The following CCSER1 variants were observed in gnomAD, a reference collection of about 807,000 sequenced individuals.
CCSER1 encodes coiled-coil serine rich protein 1, also known as serine-rich coiled-coil domain-containing protein 1.
Under a neutral mutation model 82.0 loss-of-function variants are expected in CCSER1, and 41 were observed. The observed-to-expected ratio is 0.50, with a 90% CI of 0.39 to 0.65. The LOEUF is 0.65. Ranked by LOEUF, CCSER1 falls within the 30% of genes least tolerant of loss-of-function variation. The pLI, the probability that CCSER1 is intolerant of heterozygous loss-of-function variation, is 0.00. For synonymous variants in CCSER1, 414 were observed against 383.9 expected, an observed-to-expected ratio of 1.08 and a Z score of -0.92; for missense variants, 1,119 against 1,064.2, an observed-to-expected ratio of 1.05 and a Z score of -0.72.
chr4:90,319,082 A>G (rs1736661247), intron 3 of CCSER1, among the ~76,000 whole-genome samples: 1 of 152,202 alleles, frequency 6.6e-6, no homozygotes, highest in Non-Finnish European at 1.5e-5. Flanking sequence ...TCACACACTC[A>G]ATGACACTGT....
At chr4:91,520,197 GT>G (rs990536084) in intron 10 of CCSER1, among the ~76,000 whole-genome samples, 108 of 148,956 alleles carry the variant, frequency 7.3e-4, no homozygotes, top group Non-Finnish European at 1.3e-3. Context: ...ATGTTTTTGA[GT>G]TTTTTTTTCT....
chr4:90,503,984 A>G (rs1355788300), intron 5 of CCSER1, among the ~76,000 whole-genome samples: 1 of 152,102 alleles, frequency 6.6e-6, no homozygotes, highest in Non-Finnish European at 1.5e-5. Context: ...TTTCTCATAT[A>G]ACATTTATTT....
chr4:90,949,171 T>C (rs1231912248), intron 9 of CCSER1, among the ~76,000 whole-genome samples: 1 of 152,098 alleles, frequency 6.6e-6, no homozygotes, highest in Non-Finnish European at 1.5e-5. Context: ...ATATGTTCTG[T>C]TTACTCTTCT....
chr4:91,033,061 A>AC (rs1741124902), intron 9 of CCSER1, among the ~76,000 whole-genome samples: 1 of 150,782 alleles, frequency 6.6e-6, no homozygotes, highest in South Asian at 2.1e-4. Flanking sequence ...CAAATAAACA[A>AC]AAAAAAAACT....
At chr4:90,691,403 A>T (rs774503205) in intron 6 of CCSER1, among the ~76,000 whole-genome samples, 1 of 152,010 alleles carries the variant, frequency 6.6e-6, no homozygotes, top group Non-Finnish European at 1.5e-5. Flanking sequence ...TGTGTATCCC[A>T]TAATCCCATA....
intron 5 of CCSER1, among the ~76,000 whole-genome samples, chr4:90,623,573 G>A (rs1722749877): frequency 6.6e-6 from 1 of 152,118 alleles, no homozygotes; most frequent in East Asian, 1.9e-4. Flanking sequence ...CATATCACAG[G>A]TAGTGGTGAA....
chr4:91,025,075 T>C (rs1175274734), intron 9 of CCSER1, among the ~76,000 whole-genome samples: 1 of 152,186 alleles, frequency 6.6e-6, no homozygotes, highest in Non-Finnish European at 1.5e-5. Context: ...GAAATGTTGC[T>C]ATCCAGCTGT....
In CCSER1 at chr4:90,189,120, C is replaced by G. The variant is rs540980425; in HGVS notation, c.-42+61289C>G. Among the ~76,000 whole-genome samples the G allele has an allele frequency of 2.0e-5, 3 of 152,060 alleles. No homozygotes were observed. The East Asian group carries it at 5.8e-4, about 30-fold the overall frequency. On this transcript the variant is annotated intron_variant, in intron 1 of 10. Coordinates refer to ENST00000509176, the MANE Select transcript of CCSER1 (RefSeq NM_001145065.2). ...TATGTACAGGTCTGTATTTTTTAAA[C>G]TCTTTGACTGCGTTTTCATGTAAAA...
intron 10 of CCSER1, among the ~76,000 whole-genome samples, chr4:91,233,683 A>G (rs1738789558): frequency 6.6e-6 from 1 of 151,998 alleles, no homozygotes; most frequent in Non-Finnish European, 1.5e-5. Flanking sequence ...ATAAAAATCT[A>G]TCCTACAAAC....
chr4:91,118,622 T>C (rs1052151438), intron 10 of CCSER1, among the ~76,000 whole-genome samples: 9 of 152,246 alleles, frequency 5.9e-5, no homozygotes, highest in Admixed American at 3.3e-4. Context: ...TCATAGGAAA[T>C]TAAAACACTG....
chr4:90,859,412 T>G (rs527753861), intron 8 of CCSER1, among the ~76,000 whole-genome samples: 1 of 151,924 alleles, frequency 6.6e-6, no homozygotes, highest in South Asian at 2.1e-4. Flanking sequence ...GCTCTCTTTA[T>G]GGGAAAAAGG....
intron 8 of CCSER1, among the ~76,000 whole-genome samples, chr4:90,913,613 A>G (rs1173423276): frequency 1.3e-5 from 2 of 152,194 alleles, no homozygotes; most frequent in African/African-American, 4.8e-5. Flanking sequence ...CTAACATCAT[A>G]ATGACAGGAT....
At chr4:90,338,441 T>C (rs1740802769) in intron 3 of CCSER1, among the ~76,000 whole-genome samples, 1 of 152,214 alleles carries the variant, frequency 6.6e-6, no homozygotes, top group Non-Finnish European at 1.5e-5. Context: ...CCTAACAATG[T>C]TCATTCTTTT....
chr4:90,750,313 T>C (rs1388069670), intron 7 of CCSER1, among the ~76,000 whole-genome samples: 1 of 152,074 alleles, frequency 6.6e-6, no homozygotes, highest in African/African-American at 2.4e-5. Flanking sequence ...CCCATTTGTC[T>C]TTCTGTAGAG....
At chr4:90,395,662 CTTT>C (rs763580259) in intron 3 of CCSER1, among the ~76,000 whole-genome samples, 3 of 140,806 alleles carry the variant, frequency 2.1e-5, no homozygotes, top group Non-Finnish European at 1.6e-5. Flanking sequence ...GCTCTTATGT[CTTT>C]TTTTTTTTTT....
At chr4:90,442,634 A>C (rs1760054694) in intron 4 of CCSER1, among the ~76,000 whole-genome samples, 1 of 152,166 alleles carries the variant, frequency 6.6e-6, no homozygotes, top group South Asian at 2.1e-4. Context: ...AGACACAGGA[A>C]AGCAAGAATT....
At chr4:90,731,942 G>C (rs1029065953) in intron 7 of CCSER1, among the ~76,000 whole-genome samples, 1 of 152,036 alleles carries the variant, frequency 6.6e-6, no homozygotes, top group Non-Finnish European at 1.5e-5. Flanking sequence ...GGGGTCATCT[G>C]AAGGCTCAGG....
intron 10 of CCSER1, among the ~76,000 whole-genome samples, chr4:91,587,926 A>C (rs1167535899): frequency 6.6e-6 from 1 of 151,638 alleles, no homozygotes; most frequent in Non-Finnish European, 1.5e-5. Flanking sequence ...TTGAATCTTG[A>C]ATTAATATTA....
chr4:90,611,957 C>G (rs1299418676), intron 5 of CCSER1, among the ~76,000 whole-genome samples: 1 of 151,452 alleles, frequency 6.6e-6, no homozygotes, highest in African/African-American at 2.4e-5. Flanking sequence ...ATCAGATACT[C>G]AAATTTTTCC....
Sources: allele counts gnomAD v4.1 joint callset (sites outside exome capture counted in the v4.1 genomes callset), GRCh38; gene constraint gnomAD v4.1.1; transcripts MANE v1.5; gene names NCBI Gene and HGNC (gene_info 2026-07-23, HGNC 2026-07-21).